The following KIF1B variants were observed in gnomAD, a reference collection of about 807,000 sequenced individuals.
KIF1B encodes kinesin-like protein KIF1B.
A neutral mutation model predicts 241.9 loss-of-function variants in KIF1B; 76 were observed. That is an observed-to-expected ratio of 0.31 (90% CI 0.26 to 0.38). The LOEUF (loss-of-function observed/expected upper bound fraction) is 0.38, where lower values mean the gene tolerates loss of function less well. KIF1B is among the 10% of genes least tolerant of loss of function. The pLI is 1.00. For synonymous variants in KIF1B, 750 were observed against 796.7 expected (o/e 0.94, Z 0.99); for missense variants, 1,622 against 2,271.4 (o/e 0.71, Z 5.81).
chr1:10,363,951 G>T (rs1277564609), intron 41 of KIF1B, among the ~76,000 whole-genome samples: 1 of 152,078 alleles, frequency 6.6e-6, no homozygotes, highest in Non-Finnish European at 1.5e-5. Flanking sequence ...AAGTAAAGAA[G>T]ACTTTGAGTA....
chr1:10,289,675 G>A (rs950970224), intron 15 of KIF1B, among the ~76,000 whole-genome samples: 1 of 152,140 alleles, frequency 6.6e-6, no homozygotes, highest in African/African-American at 2.4e-5. Flanking sequence ...CCTGAGGTCA[G>A]GAGTTCAAGA....
At chr1:10,239,889 C>A (rs1647110924) in intron 2 of KIF1B, among the ~76,000 whole-genome samples, 8 of 152,114 alleles carry the variant, frequency 5.3e-5, no homozygotes, top group Admixed American at 5.2e-4. Flanking sequence ...CCTCAGCCTC[C>A]CGAGTAGCTG....
chr1:10,232,240 C>T lies in KIF1B; in HGVS notation c.-79-10C>T. ...TGACTACCTCATATGGAATTTTTTT[C>T]TTTTCAAAGGAAACTTGGCTGTAAC... On this transcript the variant is annotated splice_polypyrimidine_tract_variant and intron_variant, in intron 1 of 48. Coordinates refer to ENST00000676179, the MANE Select transcript of KIF1B (RefSeq NM_001365951.3). The T allele has an allele frequency of 4.0e-6, 4 of 1,010,598 alleles. No homozygotes were observed. The highest frequency in any genetic ancestry group is 3.2e-5 in the African/African-American group (2 of 62,172). The allele number at this position is 1,010,598 out of a possible 1,614,324, so 62.6% of individuals were successfully genotyped here.
At chr1:10,265,689 A>C (rs1173486263) in intron 5 of KIF1B, among the ~76,000 whole-genome samples, 1 of 152,018 alleles carries the variant, frequency 6.6e-6, no homozygotes, top group African/African-American at 2.4e-5. Flanking sequence ...TGCAAAAAAA[A>C]ATTTTTTTTA....
At chr1:10,278,680 C>G (rs1649246573) in intron 13 of KIF1B, 1 of 183,402 alleles carries the variant, frequency 5.5e-6, no homozygotes, top group Admixed American at 5.4e-5. Context: ...AGTTCAAGAA[C>G]TACACTTCCA....
At chr1:10,367,980 G>T (rs913277524) in intron 43 of KIF1B, among the ~76,000 whole-genome samples, 1 of 152,096 alleles carries the variant, frequency 6.6e-6, no homozygotes, top group Admixed American at 6.6e-5. Context: ...ACCTGCCTCA[G>T]CCTCCCAAAG....
chr1:10,215,975 A>G (rs1169462928), intron 1 of KIF1B, among the ~76,000 whole-genome samples: 1 of 152,236 alleles, frequency 6.6e-6, no homozygotes, highest in Non-Finnish European at 1.5e-5. Context: ...TAGTGATAAA[A>G]TAGCTTATTC....
At chr1:10,315,647 G>A (rs1190558170) in intron 22 of KIF1B, among the ~76,000 whole-genome samples, 2 of 151,472 alleles carry the variant, frequency 1.3e-5, no homozygotes, top group African/African-American at 2.4e-5. Context: ...ATTTCATTTG[G>A]TTATGATTTT....
At chr1:10,363,203 T>G in intron 40 of KIF1B, 80 bp from the exon 41 acceptor site, 2 of 1,038,648 alleles carry the variant, frequency 1.9e-6, no homozygotes, top group Non-Finnish European at 3.0e-6. Context: ...GAGAAGACAC[T>G]ATTTTAAGTA....
chr1:10,280,990 C>T (rs187479355), intron 14 of KIF1B, among the ~76,000 whole-genome samples: 1 of 152,096 alleles, frequency 6.6e-6, no homozygotes, highest in Non-Finnish European at 1.5e-5. Flanking sequence ...CTCCCAATGG[C>T]TAATTTTTTG....
chr1:10,328,274 T>A (rs571682108), intron 27 of KIF1B, among the ~76,000 whole-genome samples: 16 of 152,314 alleles, frequency 1.1e-4, no homozygotes, highest in African/African-American at 3.6e-4. Context: ...AATTAGAAGA[T>A]GATCATTCTT....
chr1:10,224,123 T>C (rs1646880842), intron 1 of KIF1B, among the ~76,000 whole-genome samples: 1 of 152,038 alleles, frequency 6.6e-6, no homozygotes, highest in African/African-American at 2.4e-5. Flanking sequence ...TGGTTTTTGT[T>C]TGTTTGTTTG....
At position 10,376,689 on chromosome 1, in the gene KIF1B, G is replaced by C; in HGVS notation, c.*102G>C. 4.2e-6 allele frequency: 5 copies of C among 1,194,426 alleles called. No homozygotes were observed. The South Asian group carries it at 4.9e-5, about 12-fold the overall frequency. 74.0% of individuals were successfully genotyped at this position (1,194,426 alleles called of 1,614,324 possible). On this transcript the variant is annotated 3_prime_UTR_variant, in exon 49 of 49. Coordinates refer to ENST00000676179, the MANE Select transcript of KIF1B (RefSeq NM_001365951.3). ...GACGGTGACTCTTGTATGTAATCCTGTGGCTTAACTACTTCTCCCTCCTTG... is the reference window on the plus strand; with the variant it reads ...GACGGTGACTCTTGTATGTAATCCTCTGGCTTAACTACTTCTCCCTCCTTG...
intron 40 of KIF1B, 134 bp from the exon 41 acceptor site, chr1:10,363,149 G>A (rs1017933287): frequency 4.1e-5 from 27 of 665,514 alleles, no homozygotes; most frequent in Middle Eastern, 3.9e-4. Context: ...AGAAAAGAGC[G>A]GTGACAAATA....
At position 10,344,180 on chromosome 1, in the gene KIF1B, T is replaced by A. The variant is rs548057918; in HGVS notation, c.3688+893T>A. Among the ~76,000 whole-genome samples the A allele has an allele frequency of 4.6e-5, 7 of 152,354 alleles. 2 individuals are homozygous for A. Among genetic ancestry groups the A allele is most frequent in the African/African-American group, 1.7e-4 (7 of 41,574 alleles). ...GACACATTTTCTGAGCACGCCAGTG[T>A]GCTTGCATCCTCCGCTATTGCCACC... On this transcript the variant is annotated intron_variant, in intron 34 of 48. Transcript: ENST00000676179.
At position 10,261,944 on chromosome 1, in the gene KIF1B, A is replaced by C; in HGVS notation, c.403A>C (p.Asn135His). 1 of 1,611,918 alleles carries C rather than the reference A, an allele frequency of 6.2e-7. No individual in the cohort carries two copies. Among genetic ancestry groups the C allele is most frequent in the South Asian group, 1.1e-5 (1 of 91,018 alleles). ...TTTTGAGAAAATCAATGACAACTGTAATGAAGAAATGTCTTACTCTGTAGA... is the reference window on the plus strand; with the variant it reads ...TTTTGAGAAAATCAATGACAACTGTCATGAAGAAATGTCTTACTCTGTAGA... ...ELFEKINDNC[N>H]EEMSYSVEVS... Residue 135 changes from asparagine (N) to histidine (H), a missense_variant, in exon 5 of 49, where the codon AAT (asparagine) becomes CAT (histidine). Around this residue, in one of 7 missense-constraint regions of KIF1B, gnomAD observed 156 missense variants for 244.8 expected, o/e 0.64. Coordinates refer to ENST00000676179, the MANE Select transcript of KIF1B (RefSeq NM_001365951.3).
intron 2 of KIF1B, among the ~76,000 whole-genome samples, chr1:10,254,672 C>G (rs1361567972): frequency 6.6e-6 from 1 of 151,750 alleles, no homozygotes; most frequent in Admixed American, 6.6e-5. Flanking sequence ...GTCAGGAGAT[C>G]AAGACCATCC....
intron 38 of KIF1B, among the ~76,000 whole-genome samples, chr1:10,358,687 A>G (rs1224216436): frequency 1.3e-5 from 2 of 151,140 alleles, no homozygotes; most frequent in African/African-American, 2.4e-5. Flanking sequence ...CTGTCTCAAA[A>G]AAAAAAAAAA....
At chr1:10,231,881 A>G (rs1324507953) in intron 1 of KIF1B, among the ~76,000 whole-genome samples, 3 of 152,172 alleles carry the variant, frequency 2.0e-5, no homozygotes, top group East Asian at 1.9e-4. Context: ...CTTTTTAGGT[A>G]TAAGAAGGAG....
Sources: gnomAD v4.1 joint callset for allele counts (sites outside exome capture counted in the v4.1 genomes callset) on GRCh38, gnomAD v4.1.1 for gene constraint, gnomAD v4.1.1 regional missense constraint, MANE v1.5 for transcripts, NCBI Gene and HGNC (gene_info 2026-07-23, HGNC 2026-07-21) for gene names.